Variants in RASGRF1 observed in about 807,000 individuals in gnomAD.
RASGRF1 encodes the protein Ras protein specific guanine nucleotide releasing factor 1.
A neutral mutation model predicts 138.7 loss-of-function variants in RASGRF1; 40 were observed. The observed-to-expected ratio is 0.29, with a 90% CI of 0.22 to 0.38. RASGRF1 has a LOEUF of 0.38. Among genes scored for constraint, RASGRF1 ranks in the 10% least tolerant of loss-of-function variants. The pLI is 1.00. For missense variants in RASGRF1, 1,108 were observed against 1,650.4 expected, an observed-to-expected ratio of 0.67 and a Z score of 5.69; for synonymous variants, 614 against 663.2, an observed-to-expected ratio of 0.93 and a Z score of 1.14.
chr15:79,077,056 T>G (rs2057842860), intron 1 of RASGRF1, among the ~76,000 whole-genome samples: 1 of 152,224 alleles, frequency 6.6e-6, no homozygotes, highest in African/African-American at 2.4e-5. Flanking sequence ...AAGCCATCCG[T>G]GCCTCTTCAG....
At chr15:79,015,857 G>A (rs546391075) in intron 12 of RASGRF1, among the ~76,000 whole-genome samples, 78 of 152,334 alleles carry the variant, frequency 5.1e-4, no homozygotes, top group Admixed American at 8.5e-4. Flanking sequence ...CGAGGGTGCT[G>A]AACTGTTCTC....
intron 19 of RASGRF1, 164 bp downstream of exon 19, chr15:78,997,932 C>A (rs893826723): frequency 6.5e-6 from 4 of 618,550 alleles, no homozygotes; most frequent in Non-Finnish European, 1.1e-5. Flanking sequence ...CAGCCCTGAG[C>A]CTGCCCCCAA....
At chr15:79,072,267 C>CTTTT (rs758415767) in intron 1 of RASGRF1, among the ~76,000 whole-genome samples, 2,214 of 61,542 alleles carry the variant, frequency 0.036, 684 homozygotes, top group East Asian at 0.11. Context: ...GATAAACAAT[C>CTTTT]TTTTTTTTTT....
intron 5 of RASGRF1, among the ~76,000 whole-genome samples, chr15:79,038,145 G>A (rs1334783135): frequency 6.6e-6 from 1 of 152,102 alleles, no homozygotes; most frequent in East Asian, 1.9e-4. Flanking sequence ...TTAGTCTGTG[G>A]CCCAGGGATT....
chr15:79,060,227 G>A (rs529622211), intron 2 of RASGRF1, among the ~76,000 whole-genome samples: 4 of 152,196 alleles, frequency 2.6e-5, no homozygotes, highest in East Asian at 1.9e-4. Context: ...CCCTTTCTGC[G>A]ACCATCACTG....
intron 23 of RASGRF1, among the ~76,000 whole-genome samples, chr15:78,984,067 G>A (rs892734409): frequency 6.6e-6 from 1 of 152,106 alleles, no homozygotes; most frequent in Non-Finnish European, 1.5e-5. Flanking sequence ...ATCATGACCT[G>A]CCATTGACAT....
At chr15:79,017,265 G>C (rs2140973939) in intron 12 of RASGRF1, among the ~76,000 whole-genome samples, 1 of 152,328 alleles carries the variant, frequency 6.6e-6, no homozygotes, top group South Asian at 2.1e-4. Context: ...GTGCATAATT[G>C]AGGCTGGGTT....
chr15:79,006,165 G>A lies in RASGRF1; in HGVS notation c.2075+21C>T, dbSNP rs764675758. 6.2e-7 allele frequency: 1 copy of A among 1,613,560 alleles called. No homozygotes were observed. Reference sequence around the variant, plus strand: ...GCTTGGAAGCTCTCCGGGCATGGGAGGAGGAGGGCACCTCAGCCACCTGGC... The same window carrying A: ...GCTTGGAAGCTCTCCGGGCATGGGAAGAGGAGGGCACCTCAGCCACCTGGC... On this transcript the variant is annotated intron_variant, in intron 14 of 26. Transcript: ENST00000558480. The surrounding 1 kb of genome is among the most constrained non-coding windows in gnomAD (Gnocchi z 4.0).
At chr15:79,045,250 G>A (rs1213616432) in intron 5 of RASGRF1, among the ~76,000 whole-genome samples, 1 of 152,154 alleles carries the variant, frequency 6.6e-6, no homozygotes, top group Non-Finnish European at 1.5e-5. Flanking sequence ...CAGACCTACA[G>A]ATGGGCTTGT....
intron 1 of RASGRF1, among the ~76,000 whole-genome samples, chr15:79,078,300 A>C (rs2057867866): frequency 2.6e-5 from 4 of 151,064 alleles, no homozygotes; most frequent in Admixed American, 2.6e-4. Context: ...AGGGGAAGTC[A>C]CTGTCCCATG....
chr15:79,070,419 G>C (rs1014667318), intron 1 of RASGRF1, among the ~76,000 whole-genome samples: 2 of 152,182 alleles, frequency 1.3e-5, no homozygotes, highest in African/African-American at 2.4e-5. Flanking sequence ...GACTCTATTT[G>C]GGAAACTTGA....
chr15:79,036,136 C>T (rs949161239), intron 5 of RASGRF1, among the ~76,000 whole-genome samples: 30 of 152,306 alleles, frequency 2.0e-4, no homozygotes, highest in South Asian at 4.2e-4. Context: ...CAGAGCGAGG[C>T]GGCTTCTGCT....
chr15:78,980,350 C>T (rs1015430636), intron 24 of RASGRF1: 2 of 316,484 alleles, frequency 6.3e-6, no homozygotes, highest in Non-Finnish European at 1.2e-5. Flanking sequence ...TCTGGCACCA[C>T]TACTATTATC....
intron 5 of RASGRF1, among the ~76,000 whole-genome samples, chr15:79,043,190 C>T (rs2057317987): frequency 6.6e-6 from 1 of 152,148 alleles, no homozygotes; most frequent in Non-Finnish European, 1.5e-5. Flanking sequence ...GTTGAACCAG[C>T]CTTGCATTCC....
intron 7 of RASGRF1, 63 bp from the exon 8 acceptor site, chr15:79,031,572 G>C (rs2057137292): frequency 8.7e-7 from 1 of 1,152,348 alleles, no homozygotes; most frequent in Non-Finnish European, 1.3e-6. Flanking sequence ...CGGGGAGCAA[G>C]GCAGGGGCAG....
At chr15:78,999,313 G>A (rs2056465429) in intron 17 of RASGRF1, among the ~76,000 whole-genome samples, 1 of 152,174 alleles carries the variant, frequency 6.6e-6, no homozygotes, top group African/African-American at 2.4e-5. Flanking sequence ...CACTAGCAAA[G>A]GCCTGCAGGA....
At chr15:79,088,972 G>A (rs1439579134) in intron 1 of RASGRF1, among the ~76,000 whole-genome samples, 1 of 152,228 alleles carries the variant, frequency 6.6e-6, no homozygotes, top group Non-Finnish European at 1.5e-5. Context: ...CTGAAGGTAG[G>A]GAAGGAAGAG....
In RASGRF1 at chr15:79,072,267, C is replaced by CTTTTTTTTTTTTTTTTTTTTTTTTTT; in HGVS notation, c.277-7767_277-7742dup. Among the ~76,000 whole-genome samples the CTTTTTTTTTTTTTTTTTTTTTTTTTT allele has an allele frequency of 2.9e-4, 18 of 61,584 alleles. 5 individuals are homozygous for CTTTTTTTTTTTTTTTTTTTTTTTTTT. The highest frequency in any genetic ancestry group is 4.6e-4 in the Non-Finnish European group (15 of 32,844). 40.4% of individuals were successfully genotyped at this position (61,584 alleles called of 152,430 possible). ...TTTCTGGGAGTTCTTGATAAACAAT[C>CTTTTTTTTTTTTTTTTTTTTTTTTTT]TTTTTTTTTTTTTTTTTTTTTTTTT... On this transcript the variant is annotated intron_variant, in intron 1 of 26. Transcript: ENST00000558480.
At chr15:79,011,117 C>G (rs969711591) in intron 13 of RASGRF1, among the ~76,000 whole-genome samples, 1 of 152,110 alleles carries the variant, frequency 6.6e-6, no homozygotes, top group East Asian at 1.9e-4. Context: ...CCCATTCTCC[C>G]CATAAGAGTG....
Sources: gnomAD v4.1 joint callset for allele counts (sites outside exome capture counted in the v4.1 genomes callset) on GRCh38, gnomAD v4.1.1 for gene constraint, Gnocchi (gnomAD v3.1) non-coding constraint, MANE v1.5 for transcripts, NCBI Gene and HGNC (gene_info 2026-07-23, HGNC 2026-07-21) for gene names.